PRKG1: variants seen among roughly 807,000 people sequenced by gnomAD.
PRKG1 encodes protein kinase cGMP-dependent 1, also known as cGMP-dependent protein kinase 1.
In PRKG1, 35 loss-of-function variants were observed where a neutral mutation model predicts 88.1. The ratio of observed to expected loss-of-function variants is 0.40; its 90% CI spans 0.30 to 0.53. PRKG1 has a LOEUF of 0.53. Ranked by LOEUF, PRKG1 falls within the 20% of genes least tolerant of loss-of-function variation. The pLI is 0.59. For missense variants in PRKG1, 540 were observed against 839.8 expected (o/e 0.64, Z 4.41); for synonymous variants, 303 against 292.5 (o/e 1.04, Z -0.37).
At chr10:51,050,036 T>A (rs1311153868) in intron 1 of PRKG1, among the ~76,000 whole-genome samples, 1 of 152,106 alleles carries the variant, frequency 6.6e-6, no homozygotes, top group Non-Finnish European at 1.5e-5. Context: ...TGTCTGCCAA[T>A]TGCTTCTCCC....
intron 2 of PRKG1, among the ~76,000 whole-genome samples, chr10:51,234,467 G>A (rs1184553361): frequency 6.6e-6 from 1 of 151,966 alleles, no homozygotes; most frequent in Non-Finnish European, 1.5e-5. Context: ...TACATTTAAG[G>A]CAAAAATAAA....
intron 5 of PRKG1, among the ~76,000 whole-genome samples, chr10:51,978,567 A>G (rs1030502019): frequency 2.6e-5 from 4 of 151,118 alleles, no homozygotes; most frequent in Admixed American, 6.6e-5. Flanking sequence ...GGCCATTTTC[A>G]TCCTATTGAT....
intron 2 of PRKG1, among the ~76,000 whole-genome samples, chr10:51,330,544 A>G (rs906762168): frequency 6.6e-6 from 1 of 152,156 alleles, no homozygotes; most frequent in Non-Finnish European, 1.5e-5. Flanking sequence ...ATCTGACTGT[A>G]TATTTCCATG....
chr10:51,821,191 C>T (rs186823103), intron 4 of PRKG1, among the ~76,000 whole-genome samples: 4 of 152,132 alleles, frequency 2.6e-5, no homozygotes, highest in African/African-American at 9.7e-5. Flanking sequence ...AAAGTTTATT[C>T]TTGCTTTGTA....
At chr10:52,187,421 A>G (rs1262163084) in intron 9 of PRKG1, among the ~76,000 whole-genome samples, 1 of 152,194 alleles carries the variant, frequency 6.6e-6, no homozygotes, top group Non-Finnish European at 1.5e-5. Flanking sequence ...AAAAAAATTT[A>G]TAATAGAAGA....
At chr10:51,670,789 A>T (rs191171282) in intron 3 of PRKG1, among the ~76,000 whole-genome samples, 61 of 150,144 alleles carry the variant, frequency 4.1e-4, no homozygotes, top group Middle Eastern at 3.5e-3. Context: ...AATAAATAAA[A>T]ATGCAAGATA....
intron 2 of PRKG1, among the ~76,000 whole-genome samples, chr10:51,211,839 A>T (rs1283299577): frequency 6.6e-6 from 1 of 152,224 alleles, no homozygotes; most frequent in Admixed American, 6.5e-5. Flanking sequence ...ATGGAAGAAC[A>T]TTTCATGCTC....
intron 3 of PRKG1, among the ~76,000 whole-genome samples, chr10:51,771,516 T>A (rs1448885303): frequency 6.6e-6 from 1 of 152,186 alleles, no homozygotes; most frequent in Non-Finnish European, 1.5e-5. Context: ...TCATTCTAAT[T>A]TCCTATCTAA....
intron 3 of PRKG1, among the ~76,000 whole-genome samples, chr10:51,580,074 A>G (rs1837993232): frequency 6.6e-6 from 1 of 151,992 alleles, no homozygotes; most frequent in African/African-American, 2.4e-5. Flanking sequence ...TTTACTACAT[A>G]TGTGTTTGTC....
At chr10:51,440,256 A>G (rs1029445189) in intron 2 of PRKG1, among the ~76,000 whole-genome samples, 3 of 151,824 alleles carry the variant, frequency 2.0e-5, no homozygotes, top group Non-Finnish European at 4.4e-5. Flanking sequence ...TGGGTATAGT[A>G]TAAGTACAGA....
chr10:52,012,920 T>G (rs1319551352), intron 5 of PRKG1, among the ~76,000 whole-genome samples: 1 of 152,232 alleles, frequency 6.6e-6, no homozygotes, highest in African/African-American at 2.4e-5. Flanking sequence ...ATACTAGTAT[T>G]ATTACTTCCA....
At chr10:51,326,601 A>G (rs938665055) in intron 2 of PRKG1, among the ~76,000 whole-genome samples, 1 of 152,230 alleles carries the variant, frequency 6.6e-6, no homozygotes, top group Non-Finnish European at 1.5e-5. Context: ...CCTTTAAAAA[A>G]TAGCTAATTT....
intron 2 of PRKG1, among the ~76,000 whole-genome samples, chr10:51,365,671 A>G (rs1842573192): frequency 6.6e-6 from 1 of 151,980 alleles, no homozygotes; most frequent in African/African-American, 2.4e-5. Flanking sequence ...GCCCAATCCC[A>G]GAGCTGGTAA....
chr10:51,777,390 A>G (rs1838468232), intron 3 of PRKG1, among the ~76,000 whole-genome samples: 1 of 152,116 alleles, frequency 6.6e-6, no homozygotes. Flanking sequence ...AATAGGATGC[A>G]CATCTTTTGG....
At chr10:51,861,708 A>C (rs952422120) in intron 4 of PRKG1, among the ~76,000 whole-genome samples, 5 of 152,344 alleles carry the variant, frequency 3.3e-5, no homozygotes, top group Admixed American at 1.3e-4. Flanking sequence ...GTTGTTTATG[A>C]AAACTATAGT....
chr10:52,199,731 C>A (rs1331484657), intron 9 of PRKG1, among the ~76,000 whole-genome samples: 1 of 152,092 alleles, frequency 6.6e-6, no homozygotes, highest in African/African-American at 2.4e-5. Context: ...TCCAAATAAA[C>A]GTACCTCACA....
At chr10:51,554,121 G>A (rs1837235343) in intron 3 of PRKG1, among the ~76,000 whole-genome samples, 1 of 145,330 alleles carries the variant, frequency 6.9e-6, no homozygotes, top group Non-Finnish European at 1.5e-5. Flanking sequence ...TGTGATACGT[G>A]TATATATTAT....
chr10:51,036,982 G>C (rs1488476915), intron 1 of PRKG1, among the ~76,000 whole-genome samples: 1 of 152,172 alleles, frequency 6.6e-6, no homozygotes, highest in African/African-American at 2.4e-5. Flanking sequence ...TACAGCTAAT[G>C]TTAACAAATT....
At chr10:52,249,550 G>A (rs1841118885) in intron 9 of PRKG1, among the ~76,000 whole-genome samples, 1 of 152,082 alleles carries the variant, frequency 6.6e-6, no homozygotes. Flanking sequence ...TGTACTTCCA[G>A]CCTAACTTCA....
Sources: allele counts gnomAD v4.1 joint callset (sites outside exome capture counted in the v4.1 genomes callset), GRCh38; gene constraint gnomAD v4.1.1; transcripts MANE v1.5; gene names NCBI Gene and HGNC (gene_info 2026-07-23, HGNC 2026-07-21).